Variants in TRAPPC11 observed in about 807,000 individuals in gnomAD.
TRAPPC11 encodes the protein foie gras homolog.
TRAPPC11 carries 104 observed loss-of-function variants against 151.2 expected under a neutral mutation model. The ratio of observed to expected loss-of-function variants is 0.69; its 90% CI spans 0.59 to 0.81. The LOEUF is 0.81. Ranked by LOEUF, TRAPPC11 falls within the 30% of genes least tolerant of loss-of-function variation. TRAPPC11 has a pLI of 0.00. For missense variants in TRAPPC11, 1,230 were observed against 1,349.6 expected, an observed-to-expected ratio of 0.91 and a Z score of 1.39; for synonymous variants, 456 against 472.3, an observed-to-expected ratio of 0.97 and a Z score of 0.45.
rs200561007 is a variant in TRAPPC11, at chr4:183,685,343, C to T, written c.1702C>T (p.Arg568Ter). ...AACTGCTCAGAAGCTGTGGGCAGAC[C>T]GAATTTCTCTGGCTGGCAGCAATAT... ...VKTAQKLWADRISLAGSNIFT... is the reference protein window; with the variant it reads ...VKTAQKLWAD The change falls in exon 17 of 30, where the codon CGA becomes TGA. Residue 568 changes from arginine to a stop codon, truncating the protein, a stop_gained. Coordinates refer to ENST00000334690, the MANE Select transcript of TRAPPC11 (RefSeq NM_021942.6). LOFTEE classifies it high-confidence loss of function. The T allele has an allele frequency of 1.9e-6, 3 of 1,613,946 alleles. No individual in the cohort carries two copies. The highest frequency in any genetic ancestry group is 1.1e-5 in the South Asian group (1 of 91,082).
intron 5 of TRAPPC11, among the ~76,000 whole-genome samples, chr4:183,670,943 G>T (rs1490241241): frequency 6.6e-6 from 1 of 152,152 alleles, no homozygotes; most frequent in African/African-American, 2.4e-5. Flanking sequence ...TCTTGGCCAG[G>T]CTGGTCTTGA....
At chr4:183,680,679 C>CT (rs71589581) in intron 10 of TRAPPC11, among the ~76,000 whole-genome samples, 1,702 of 82,874 alleles carry the variant, frequency 0.021, 103 homozygotes, top group African/African-American at 0.05. Context: ...TATGGAGACT[C>CT]TTTTTTTTTT....
At chr4:183,688,619 T>C (rs1736103509) in intron 18 of TRAPPC11, among the ~76,000 whole-genome samples, 1 of 152,236 alleles carries the variant, frequency 6.6e-6, no homozygotes, top group African/African-American at 2.4e-5. Flanking sequence ...ATCTCTGTAA[T>C]AGAAATGATT....
chr4:183,671,086 G>A (rs7697898), intron 5 of TRAPPC11, among the ~76,000 whole-genome samples: 74,450 of 151,916 alleles, frequency 0.49, 18,805 homozygotes, highest in African/African-American at 0.61. Flanking sequence ...GGCTGGTCTC[G>A]AACTCCTGAC....
chr4:183,704,583 G>A (rs1736958908), intron 26 of TRAPPC11, among the ~76,000 whole-genome samples: 1 of 151,698 alleles, frequency 6.6e-6, no homozygotes, highest in African/African-American at 2.4e-5. Flanking sequence ...AGAGGCCGAG[G>A]TGGGCGGATC....
Position 183,688,221 on chromosome 4 carries a change from G to A in TRAPPC11, c.1893+1473G>A, listed in dbSNP as rs148685900. Among the ~76,000 whole-genome samples, 339 of 152,286 alleles carry A rather than the reference G, an allele frequency of 2.2e-3. 2 individuals are homozygous for A. The highest frequency in any genetic ancestry group is 7.3e-3 in the African/African-American group (302 of 41,566). On this transcript the variant is annotated intron_variant, in intron 18 of 29. Coordinates refer to ENST00000334690, the MANE Select transcript of TRAPPC11 (RefSeq NM_021942.6). ...AAATAGGTAATGAAGACTAAATTAC[G>A]TAGTGTAGGCTAGAAAGAGGGACAG...
At chr4:183,669,559 TGTC>T (rs1735046212) in intron 5 of TRAPPC11, among the ~76,000 whole-genome samples, 1 of 152,228 alleles carries the variant, frequency 6.6e-6, no homozygotes, top group Admixed American at 6.5e-5. Flanking sequence ...AGAAAGCTGT[TGTC>T]CTCTGTGCTA....
intron 25 of TRAPPC11, among the ~76,000 whole-genome samples, chr4:183,699,305 C>T: frequency 6.6e-6 from 1 of 152,194 alleles, no homozygotes; most frequent in Middle Eastern, 3.2e-3. Flanking sequence ...TAAACTTGAA[C>T]TTCTTGTTCC....
At chr4:183,686,859 A>C (rs1381259436) in intron 18 of TRAPPC11, 111 bp downstream of exon 18, 27 of 1,316,626 alleles carry the variant, frequency 2.1e-5, no homozygotes, top group Non-Finnish European at 2.6e-5. Flanking sequence ...CATAGTAACA[A>C]ATGAACTTTG....
At chr4:183,687,418 T>C (rs1736039196) in intron 18 of TRAPPC11, among the ~76,000 whole-genome samples, 1 of 151,996 alleles carries the variant, frequency 6.6e-6, no homozygotes, top group African/African-American at 2.4e-5. Context: ...TAGCTCACTG[T>C]AGCCTCAACC....
chr4:183,704,932 A>T, intron 26 of TRAPPC11, 47 bp from the exon 27 acceptor site: 1 of 1,271,122 alleles, frequency 7.9e-7, no homozygotes. Context: ...TCATAGTTTA[A>T]AAAGATGTTT....
At chr4:183,680,634 AATTTTG>A (rs1470064555) in intron 10 of TRAPPC11, among the ~76,000 whole-genome samples, 11 of 147,034 alleles carry the variant, frequency 7.5e-5, no homozygotes, top group African/African-American at 2.8e-4. Context: ...GGAGAGGATA[AATTTTG>A]ACTTCTTTCT....
chr4:183,708,356 T>C (rs1579231162), intron 28 of TRAPPC11, 51 bp from the exon 29 acceptor site: 1 of 1,547,260 alleles, frequency 6.5e-7, no homozygotes, highest in Non-Finnish European at 8.8e-7. Flanking sequence ...CATATAGATA[T>C]TGCACATATG....
intron 26 of TRAPPC11, among the ~76,000 whole-genome samples, chr4:183,702,788 G>T (rs1407845921): frequency 1.3e-5 from 2 of 152,106 alleles, no homozygotes; most frequent in African/African-American, 2.4e-5. Context: ...TTATCCTGTT[G>T]ATGAGGCTTA....
chr4:183,685,470 C>A, intron 17 of TRAPPC11, 67 bp downstream of exon 17: 3 of 1,499,932 alleles, frequency 2.0e-6, no homozygotes, highest in Non-Finnish European at 2.7e-6. Flanking sequence ...TGAATAGGTG[C>A]AGAATAATAA....
chr4:183,672,441 A>G (rs1561032886), intron 5 of TRAPPC11, among the ~76,000 whole-genome samples: 1 of 152,192 alleles, frequency 6.6e-6, no homozygotes, highest in Non-Finnish European at 1.5e-5. Flanking sequence ...GTAATGTTTG[A>G]GTATCTGGTA....
intron 29 of TRAPPC11, among the ~76,000 whole-genome samples, chr4:183,711,231 A>G (rs1215642873): frequency 2.0e-5 from 3 of 152,132 alleles, no homozygotes; most frequent in African/African-American, 4.8e-5. Context: ...CTTTAGAGCT[A>G]TGCTGTCCGG....
chr4:183,692,214 C>T (rs1056704743), intron 19 of TRAPPC11, among the ~76,000 whole-genome samples: 4 of 152,130 alleles, frequency 2.6e-5, no homozygotes, highest in Admixed American at 6.5e-5. Context: ...ACACAGTAAG[C>T]ATTCATTAAG....
chr4:183,661,292 T>A (rs1186238856), intron 1 of TRAPPC11, among the ~76,000 whole-genome samples: 1 of 151,696 alleles, frequency 6.6e-6, no homozygotes, highest in Middle Eastern at 3.2e-3. Flanking sequence ...TTAGCCTAAG[T>A]GTGCCTCACT....
Sources: allele counts gnomAD v4.1 joint callset (sites outside exome capture counted in the v4.1 genomes callset), GRCh38; gene constraint gnomAD v4.1.1; transcripts MANE v1.5; gene names NCBI Gene and HGNC (gene_info 2026-07-23, HGNC 2026-07-21).